CLEC16A: variants seen among roughly 807,000 people sequenced by gnomAD.
CLEC16A encodes protein CLEC16A.
CLEC16A carries 51 observed loss-of-function variants against 109.5 expected under a neutral mutation model. That is an observed-to-expected ratio of 0.47 (90% CI 0.37 to 0.59). The LOEUF is 0.59. CLEC16A is among the 20% of genes least tolerant of loss of function. The pLI is 0.00. For missense variants in CLEC16A, 1,339 were observed against 1,394.0 expected (o/e 0.96, Z 0.63); for synonymous variants, 673 against 564.2 (o/e 1.19, Z -2.73).
chr16:11,119,150 C>G (rs201366296), intron 19 of CLEC16A, among the ~76,000 whole-genome samples: 6 of 152,208 alleles, frequency 3.9e-5, no homozygotes, highest in African/African-American at 1.4e-4. Context: ...CAGGCACACA[C>G]CACCACGCTC....
In CLEC16A at chr16:11,015,217, G is replaced by A. The variant is rs116484210; in HGVS notation, c.1304-4976G>A. 5.1e-3 allele frequency among the ~76,000 whole-genome samples: 774 copies of A among 152,322 alleles called. 5 individuals are homozygous for A. The highest frequency in any genetic ancestry group is 0.018 in the African/African-American group (733 of 41,574). On this transcript the variant is annotated intron_variant, in intron 11 of 23. Transcript: ENST00000409790. ...CACTCTACAGCTGTGCTAGCTGGAT[G>A]AGGACTGTGAGGTGCAGCTGTGCGC...
intron 3 of CLEC16A, among the ~76,000 whole-genome samples, chr16:10,964,522 G>A (rs1442853201): frequency 6.6e-6 from 1 of 152,226 alleles, no homozygotes; most frequent in Non-Finnish European, 1.5e-5. Context: ...GTGGCTGGGC[G>A]TGAGCGTGAG....
intron 19 of CLEC16A, among the ~76,000 whole-genome samples, chr16:11,092,325 T>C (rs561775897): frequency 4.8e-5 from 7 of 146,036 alleles, no homozygotes; most frequent in East Asian, 2.0e-4. Flanking sequence ...GTCTGGGCGA[T>C]AGAGTAAGAC....
intron 11 of CLEC16A, among the ~76,000 whole-genome samples, chr16:11,005,818 G>A (rs2044968846): frequency 1.3e-5 from 2 of 150,320 alleles, no homozygotes; most frequent in Non-Finnish European, 3.0e-5. Flanking sequence ...TAGATGCTGG[G>A]CAGTGCCTAG....
intron 13 of CLEC16A, among the ~76,000 whole-genome samples, chr16:11,030,638 TG>T (rs1011419924): frequency 2.0e-5 from 3 of 152,204 alleles, no homozygotes; most frequent in Non-Finnish European, 4.4e-5. Context: ...TCGAGACTTT[TG>T]GGTTTTTTTG....
intron 22 of CLEC16A, among the ~76,000 whole-genome samples, chr16:11,140,489 A>C (rs748810991): frequency 3.3e-5 from 5 of 152,216 alleles, no homozygotes; most frequent in Non-Finnish European, 5.9e-5. Flanking sequence ...GGCTCAGCAC[A>C]GTGGTCTAGC....
Position 10,957,844 on chromosome 16 carries a change from T to A in CLEC16A, c.143T>A (p.Val48Glu). The change falls in exon 2 of 24, where the codon GTG becomes GAG. Residue 48 changes from valine to glutamate, a missense_variant. Around this residue, in one of 3 missense-constraint regions of CLEC16A, gnomAD observed 117 missense variants for 120.2 expected, o/e 0.97. Transcript: ENST00000409790. ...TVTEQNRNLLVETIRSITEIL... is the reference protein window; with the variant it reads ...TVTEQNRNLLEETIRSITEIL... ...ACAGAACAGAACCGGAACCTGCTAG[T>A]GGAGACCATCCGTTCCATCACTGAG... 1 of 1,613,808 alleles carries A rather than the reference T, an allele frequency of 6.2e-7. No individual in the cohort carries two copies. Among genetic ancestry groups the A allele is most frequent in the Non-Finnish European group, 8.5e-7 (1 of 1,179,672 alleles).
intron 18 of CLEC16A, among the ~76,000 whole-genome samples, chr16:11,052,064 G>C (rs907757270): frequency 1.3e-5 from 2 of 152,152 alleles, no homozygotes; most frequent in East Asian, 3.9e-4. Context: ...ACCTGCTCTT[G>C]GGACACAGTC....
intron 19 of CLEC16A, among the ~76,000 whole-genome samples, chr16:11,112,295 A>G (rs2051646982): frequency 6.6e-6 from 1 of 152,184 alleles, no homozygotes; most frequent in Non-Finnish European, 1.5e-5. Flanking sequence ...AAAAGGTTTT[A>G]TACCTGTTAA....
At chr16:11,052,890 GT>G (rs1251517466) in intron 18 of CLEC16A, among the ~76,000 whole-genome samples, 1 of 150,608 alleles carries the variant, frequency 6.6e-6, no homozygotes, top group Non-Finnish European at 1.5e-5. Flanking sequence ...CCTTTTTGTT[GT>G]TGTTGTTGTT....
At chr16:10,968,208 G>A (rs2042606237) in intron 3 of CLEC16A, among the ~76,000 whole-genome samples, 1 of 152,248 alleles carries the variant, frequency 6.6e-6, no homozygotes, top group African/African-American at 2.4e-5. Context: ...CCTGGCAAGG[G>A]CCCAACACTG....
chr16:11,093,754 C>T (rs970528365), intron 19 of CLEC16A, among the ~76,000 whole-genome samples: 3 of 152,122 alleles, frequency 2.0e-5, no homozygotes, highest in African/African-American at 4.8e-5. Flanking sequence ...TGTGGCAGTG[C>T]AGAGAAGGGG....
Position 11,178,891 on chromosome 16 carries a change from G to A in CLEC16A, c.*201G>A, listed in dbSNP as rs41366. 8.3e-4 allele frequency: 445 copies of A among 535,822 alleles called. 5 individuals carry two copies. The highest frequency in any genetic ancestry group is 7.9e-3 in the African/African-American group (414 of 52,226). 33.2% of individuals were successfully genotyped at this position (535,822 alleles called of 1,614,324 possible). Reference sequence around the variant, plus strand: ...CCTTTTTCACTTTGCATCTCTTCACGTGCAGGCTGGGACCAGCGGAGACAC... The same window carrying A: ...CCTTTTTCACTTTGCATCTCTTCACATGCAGGCTGGGACCAGCGGAGACAC... On this transcript the variant is annotated 3_prime_UTR_variant, in exon 24 of 24. Coordinates refer to ENST00000409790, the MANE Select transcript of CLEC16A (RefSeq NM_015226.3). The surrounding 1 kb of genome is among the most constrained non-coding windows in gnomAD (Gnocchi z 6.5).
intron 19 of CLEC16A, among the ~76,000 whole-genome samples, chr16:11,099,948 A>G (rs760869783): frequency 8.6e-5 from 13 of 151,986 alleles, no homozygotes; most frequent in Admixed American, 6.5e-4. Flanking sequence ...TGTGATTCTT[A>G]CCTATCTAGC....
At chr16:11,033,888 G>T (rs2046881596) in intron 13 of CLEC16A, among the ~76,000 whole-genome samples, 1 of 152,202 alleles carries the variant, frequency 6.6e-6, no homozygotes, top group South Asian at 2.1e-4. Flanking sequence ...AGAAAATGCA[G>T]CCTTCGCTCT....
intron 15 of CLEC16A, 103 bp downstream of exon 15, chr16:11,042,466 C>A: frequency 1.2e-6 from 1 of 821,344 alleles, no homozygotes; most frequent in Non-Finnish European, 1.9e-6. Flanking sequence ...CCCGTGGTGT[C>A]ATCGGTCACC....
intron 19 of CLEC16A, chr16:11,071,101 C>A (rs1009585456): frequency 1.3e-5 from 2 of 152,190 alleles, no homozygotes; most frequent in Non-Finnish European, 2.9e-5. Context: ...CCTGGAGATT[C>A]GTTTCCAGCA....
intron 23 of CLEC16A, among the ~76,000 whole-genome samples, chr16:11,175,319 C>T (rs895488404): frequency 6.6e-6 from 1 of 152,156 alleles, no homozygotes; most frequent in Non-Finnish European, 1.5e-5. Context: ...CCTGAATGTC[C>T]CATTACCCCC....
intron 19 of CLEC16A, among the ~76,000 whole-genome samples, chr16:11,090,789 CA>C (rs1401189351): frequency 4.0e-5 from 6 of 149,230 alleles, no homozygotes; most frequent in African/African-American, 1.5e-4. Context: ...GGATTACAGG[CA>C]TGCGCTACCA....
Sources: gnomAD v4.1 joint callset for allele counts (sites outside exome capture counted in the v4.1 genomes callset) on GRCh38, gnomAD v4.1.1 for gene constraint, gnomAD v4.1.1 regional missense constraint, Gnocchi (gnomAD v3.1) non-coding constraint, MANE v1.5 for transcripts, NCBI Gene and HGNC (gene_info 2026-07-23, HGNC 2026-07-21) for gene names.